Variants in SPOCK1 observed in about 807,000 individuals in gnomAD.
SPOCK1 encodes the protein testican-1.
A neutral mutation model predicts 55.3 loss-of-function variants in SPOCK1; 23 were observed. That is an observed-to-expected ratio of 0.42 (90% CI 0.30 to 0.59). The LOEUF (loss-of-function observed/expected upper bound fraction) is 0.59, where lower values mean the gene tolerates loss of function less well. Ranked by LOEUF, SPOCK1 falls within the 20% of genes least tolerant of loss-of-function variation. SPOCK1 has a pLI of 0.22. For missense variants in SPOCK1, 499 were observed against 552.5 expected (o/e 0.90, Z 0.97); for synonymous variants, 226 against 221.0 (o/e 1.02, Z -0.20).
At chr5:137,348,516 G>A (rs752580247) in intron 2 of SPOCK1, among the ~76,000 whole-genome samples, 3 of 151,984 alleles carry the variant, frequency 2.0e-5, no homozygotes, top group Non-Finnish European at 4.4e-5. Flanking sequence ...GTGCTTAACT[G>A]TGAGTTATTA....
At chr5:137,035,984 T>A (rs1751877751) in intron 6 of SPOCK1, among the ~76,000 whole-genome samples, 1 of 151,830 alleles carries the variant, frequency 6.6e-6, no homozygotes, top group Non-Finnish European at 1.5e-5. Flanking sequence ...CCCACAAGGA[T>A]GAGAGTGAGG....
chr5:137,051,165 T>C (rs115364732), intron 6 of SPOCK1, among the ~76,000 whole-genome samples: 1 of 152,234 alleles, frequency 6.6e-6, no homozygotes, highest in Non-Finnish European at 1.5e-5. Flanking sequence ...TTGAACTGGC[T>C]ATTTAAAACA....
chr5:137,416,699 C>T (rs1200731554), intron 2 of SPOCK1, among the ~76,000 whole-genome samples: 3 of 152,052 alleles, frequency 2.0e-5, no homozygotes, highest in Non-Finnish European at 4.4e-5. Context: ...AACACTTTTC[C>T]AAAGCAAGTG....
intron 2 of SPOCK1, among the ~76,000 whole-genome samples, chr5:137,450,907 G>T (rs10066409): frequency 0.22 from 33,949 of 151,560 alleles, 4,045 homozygotes; most frequent in Admixed American, 0.33. Context: ...ATACCCTCCC[G>T]ACCAGTGTTC....
chr5:137,127,966 G>A (rs893440864), intron 4 of SPOCK1, among the ~76,000 whole-genome samples: 1 of 152,250 alleles, frequency 6.6e-6, no homozygotes, highest in Non-Finnish European at 1.5e-5. Flanking sequence ...ATGGGCGTCA[G>A]AGGAAGAATG....
At chr5:137,003,343 G>C (rs1751183869) in intron 6 of SPOCK1, among the ~76,000 whole-genome samples, 1 of 152,170 alleles carries the variant, frequency 6.6e-6, no homozygotes, top group Non-Finnish European at 1.5e-5. Context: ...AGGTTGCAGT[G>C]AGCCAAGGAG....
At chr5:137,282,477 T>A (rs1007863810) in intron 2 of SPOCK1, among the ~76,000 whole-genome samples, 10 of 152,250 alleles carry the variant, frequency 6.6e-5, no homozygotes, top group African/African-American at 1.9e-4. Context: ...TCTGCAGGCG[T>A]CCTGCCTAGG....
chr5:137,251,291 C>A (rs1756524661), intron 3 of SPOCK1, among the ~76,000 whole-genome samples: 1 of 152,200 alleles, frequency 6.6e-6, no homozygotes, highest in Admixed American at 6.5e-5. Flanking sequence ...CAACCTCACC[C>A]ACACAATAAA....
At chr5:137,168,669 T>A in intron 3 of SPOCK1, among the ~76,000 whole-genome samples, 1 of 152,230 alleles carries the variant, frequency 6.6e-6, no homozygotes, top group Middle Eastern at 3.4e-3. Flanking sequence ...CACCTCACTC[T>A]AGTTAAGATG....
At chr5:137,417,056 T>C (rs1400438002) in intron 2 of SPOCK1, among the ~76,000 whole-genome samples, 1 of 152,140 alleles carries the variant, frequency 6.6e-6, no homozygotes, top group Non-Finnish European at 1.5e-5. Flanking sequence ...CATATCCACA[T>C]ATATAGATAT....
At chr5:136,986,280 C>T (rs780163363) in intron 8 of SPOCK1, among the ~76,000 whole-genome samples, 5 of 152,098 alleles carry the variant, frequency 3.3e-5, no homozygotes, top group African/African-American at 4.8e-5. Context: ...CCAGAGATGT[C>T]CCATGTGGCC....
At chr5:137,279,418 A>T (rs1757129173) in intron 2 of SPOCK1, among the ~76,000 whole-genome samples, 1 of 152,262 alleles carries the variant, frequency 6.6e-6, no homozygotes, top group Admixed American at 6.5e-5. Context: ...CTACTGAGGA[A>T]GTACCACTGA....
intron 3 of SPOCK1, among the ~76,000 whole-genome samples, chr5:137,148,689 A>G (rs1754252632): frequency 6.6e-6 from 1 of 152,210 alleles, no homozygotes; most frequent in African/African-American, 2.4e-5. Context: ...ATAATGTACT[A>G]TTATCCTAAT....
intron 5 of SPOCK1, among the ~76,000 whole-genome samples, chr5:137,086,099 T>G (rs956316788): frequency 2.6e-5 from 4 of 152,158 alleles, no homozygotes; most frequent in African/African-American, 9.7e-5. Flanking sequence ...ATCTCCCTTT[T>G]CTCACTGGGT....
At chr5:137,244,196 T>C (rs1017498514) in intron 3 of SPOCK1, among the ~76,000 whole-genome samples, 2 of 152,190 alleles carry the variant, frequency 1.3e-5, no homozygotes, top group Non-Finnish European at 2.9e-5. Flanking sequence ...TTACATTCAA[T>C]AGAGGTACTC....
In SPOCK1 at chr5:137,271,214, A is replaced by G. The variant is rs1756955442; in HGVS notation, c.187-4159T>C. ...AAGATAAAACTATATTTCTCCATTT[A>G]TCTCACTTATTAAATATTCCACTAA... On this transcript the variant is annotated intron_variant, in intron 2 of 10. Transcript: ENST00000394945. 2.0e-5 allele frequency among the ~76,000 whole-genome samples: 3 copies of G among 151,732 alleles called. No homozygotes were observed. In the South Asian group the frequency reaches 6.2e-4, roughly 31 times the overall value.
intron 3 of SPOCK1, among the ~76,000 whole-genome samples, chr5:137,201,111 G>T (rs1299089422): frequency 1.3e-5 from 2 of 152,202 alleles, no homozygotes; most frequent in Non-Finnish European, 2.9e-5. Context: ...GTCCCAGGAA[G>T]GGAAAGGCAT....
intron 2 of SPOCK1, among the ~76,000 whole-genome samples, chr5:137,459,691 T>C (rs1269961628): frequency 6.6e-6 from 1 of 151,994 alleles, no homozygotes; most frequent in Non-Finnish European, 1.5e-5. Context: ...CTCGACACCA[T>C]CAATAAACCA....
At chr5:137,008,325 C>CACACACAT (rs1263606448) in intron 6 of SPOCK1, among the ~76,000 whole-genome samples, 1 of 151,320 alleles carries the variant, frequency 6.6e-6, no homozygotes, top group Non-Finnish European at 1.5e-5. Flanking sequence ...CACACACACA[C>CACACACAT]ACACAATCAA....
Sources: gnomAD v4.1 joint callset for allele counts (sites outside exome capture counted in the v4.1 genomes callset) on GRCh38, gnomAD v4.1.1 for gene constraint, MANE v1.5 for transcripts, NCBI Gene and HGNC (gene_info 2026-07-23, HGNC 2026-07-21) for gene names.